The following POU3F3 variants were observed in gnomAD, a reference collection of about 807,000 sequenced individuals.
POU3F3 encodes POU class 3 homeobox 3, also known as POU domain, class 3, transcription factor 3.
POU3F3 carries 1 observed loss-of-function variant against 8.6 expected under a neutral mutation model. The observed-to-expected ratio is 0.12, with a 90% CI of 0.04 to 0.55. The LOEUF is 0.55. Ranked by LOEUF, POU3F3 falls within the 20% of genes least tolerant of loss-of-function variation. The probability of loss-of-function intolerance (pLI) is 0.91; values close to 1 mark genes in which losing one functional copy is unlikely to be tolerated. For synonymous variants in POU3F3, 418 were observed against 327.4 expected (o/e 1.28, Z -2.99); for missense variants, 577 against 690.7 (o/e 0.84, Z 1.84).
At chr2:104,918,672 G>A in the POU3F3 span, among the ~76,000 whole-genome samples, 8 of 151,774 alleles carry the variant, frequency 5.3e-5, no homozygotes, top group Admixed American at 1.3e-4. Context: ...ATTCTCTCTC[G>A]CAGTCTCTGA....
At chr2:104,926,989 G>T in the POU3F3 span, among the ~76,000 whole-genome samples, 1 of 152,106 alleles carries the variant, frequency 6.6e-6, no homozygotes, top group Admixed American at 6.5e-5. Flanking sequence ...AGCATTAGAA[G>T]AAACACCTAA....
At chr2:104,867,134 A>G in the POU3F3 span, 1 of 152,218 alleles carries the variant, frequency 6.6e-6, no homozygotes, top group Admixed American at 6.5e-5. The surrounding 1 kb of genome is among the most constrained non-coding windows in gnomAD (Gnocchi z 5.0). Flanking sequence ...CCGAGGTCAC[A>G]TTCAGAAAGC....
Position 104,854,390 on chromosome 2 carries a change from C to T in POU3F3, c.-1121C>T, listed in dbSNP as rs1034211843. On this transcript the variant is annotated 5_prime_UTR_variant, in exon 1 of 1. Coordinates refer to ENST00000361360, the MANE Select transcript of POU3F3 (RefSeq NM_006236.3). The surrounding 1 kb of genome is among the most constrained non-coding windows in gnomAD (Gnocchi z 4.5). Reference sequence around the variant, plus strand: ...GATCGATCCCCTATATGCACACACACACCTCCACCTCCACCAATGCACTCT... The same window carrying T: ...GATCGATCCCCTATATGCACACACATACCTCCACCTCCACCAATGCACTCT... Among the ~76,000 whole-genome samples, 2 of 152,204 alleles carry T rather than the reference C, an allele frequency of 1.3e-5. No individual in the cohort carries two copies. The highest frequency in any genetic ancestry group is 2.9e-5 in the Non-Finnish European group (2 of 68,048).
Position 104,856,300 on chromosome 2 carries a change from A to T in POU3F3, c.790A>T (p.Thr264Ser). The T allele has an allele frequency of 6.7e-7, 1 of 1,485,812 alleles. No individual in the cohort carries two copies. The highest frequency in any genetic ancestry group is 8.9e-7 in the Non-Finnish European group (1 of 1,126,292). The allele number at this position is 1,485,812 out of a possible 1,614,324, so 92.0% of individuals were successfully genotyped here. A position where few individuals can be genotyped will look rare whatever the true frequency, so the allele number is the denominator to read the frequency against. ...LVHPGLVRGD[T>S]PELAEHHHHH... The stretch of plus-strand genomic sequence containing the variant: ...GCACCCGGGGCTGGTGCGCGGGGAC[A>T]CGCCAGAGCTGGCCGAGCACCACCA... Residue 264 changes from threonine (T) to serine (S), a missense_variant, in exon 1 of 1, where the codon ACG (threonine) becomes TCG (serine). This residue lies in a region of POU3F3 where 484 missense variants were observed against 422.6 expected (regional missense o/e 1.15). Coordinates refer to ENST00000361360, the MANE Select transcript of POU3F3 (RefSeq NM_006236.3).
downstream of POU3F3, among the ~76,000 whole-genome samples, chr2:104,861,927 G>A (rs1458057026): frequency 1.3e-5 from 2 of 152,214 alleles, no homozygotes; most frequent in Admixed American, 6.5e-5. Context: ...AAGGAAAGCA[G>A]AAGCCTCTGC....
At chr2:104,899,868 C>A in the POU3F3 span, among the ~76,000 whole-genome samples, 713 of 152,290 alleles carry the variant, frequency 4.7e-3, 7 homozygotes, top group African/African-American at 0.016. Context: ...AGGCTCATGG[C>A]ATAAGACAGA....
At chr2:104,897,867 G>T in the POU3F3 span, among the ~76,000 whole-genome samples, 2 of 152,156 alleles carry the variant, frequency 1.3e-5, no homozygotes, top group Non-Finnish European at 2.9e-5. Flanking sequence ...GCCAAGAAAG[G>T]CTTTCTTTCT....
chr2:104,896,600 G>T, the POU3F3 span, among the ~76,000 whole-genome samples: 1 of 151,372 alleles, frequency 6.6e-6, no homozygotes, highest in Non-Finnish European at 1.5e-5. Context: ...GGCATCCTCA[G>T]GAAAGGCTGA....
Position 104,855,818 on chromosome 2 carries a change from ACGCCGCCGCCGCCGCCGCCGCTGC to A in POU3F3, c.323_346del (p.Ala108_Ala115del), listed in dbSNP as rs757790462. 5.3e-6 allele frequency: 6 copies of A among 1,123,390 alleles called. No individual in the cohort carries two copies. The highest frequency in any genetic ancestry group is 4.6e-5 in the South Asian group (2 of 43,260). The allele number at this position is 1,123,390 out of a possible 1,614,324, so 69.6% of individuals were successfully genotyped here. A position where few individuals can be genotyped will look rare whatever the true frequency, so the allele number is the denominator to read the frequency against. The stretch of plus-strand genomic sequence containing the variant: ...CACCAGTGGGTCACAGCCCTGCCCC[ACGCCGCCGCCGCCGCCGCCGCTGC>A]CGCCGCCGCCGCCGTGGAGGCGAGC... On this transcript the variant is annotated inframe_deletion, in exon 1 of 1. Transcript: ENST00000361360.
chr2:104,880,255 A>G, the POU3F3 span, among the ~76,000 whole-genome samples: 1 of 152,168 alleles, frequency 6.6e-6, no homozygotes, highest in African/African-American at 2.4e-5. Flanking sequence ...GGATGGAAAG[A>G]TTCCTCGTGC....
the POU3F3 span, among the ~76,000 whole-genome samples, chr2:104,881,367 A>G: frequency 5.3e-5 from 8 of 152,080 alleles, no homozygotes; most frequent in African/African-American, 1.9e-4. Context: ...GGTATCACTG[A>G]GTTGCCTGGG....
the POU3F3 span, among the ~76,000 whole-genome samples, chr2:104,884,297 C>T: frequency 6.6e-6 from 1 of 152,268 alleles, no homozygotes; most frequent in East Asian, 1.9e-4. Context: ...ATGCACCCAG[C>T]AGCAGAGGAT....
chr2:104,908,379 T>A, the POU3F3 span, among the ~76,000 whole-genome samples: 2 of 152,192 alleles, frequency 1.3e-5, no homozygotes, highest in East Asian at 1.9e-4. Flanking sequence ...GTTTATAACA[T>A]GGTAAAACAG....
the POU3F3 span, among the ~76,000 whole-genome samples, chr2:104,890,314 C>T: frequency 1.3e-5 from 2 of 152,034 alleles, no homozygotes; most frequent in African/African-American, 2.4e-5. Context: ...TTTCCTTTTT[C>T]CTTTTTGCCC....
chr2:104,857,185 C>A lies in POU3F3; in HGVS notation c.*172C>A. The A allele has an allele frequency of 1.4e-6, 1 of 708,584 alleles. No homozygotes were observed. Among genetic ancestry groups the A allele is most frequent in the Non-Finnish European group, 1.7e-6 (1 of 576,614 alleles). The allele number at this position is 708,584 out of a possible 1,614,324, so 43.9% of individuals were successfully genotyped here. ...CAGCCCAGGCCCATCCGCCGCCCTCCCCTCCACCCAGAGACAGGCATGCCC... is the reference window on the plus strand; with the variant it reads ...CAGCCCAGGCCCATCCGCCGCCCTCACCTCCACCCAGAGACAGGCATGCCC... On this transcript the variant is annotated 3_prime_UTR_variant, in exon 1 of 1. Transcript: ENST00000361360.
chr2:104,919,073 G>A, the POU3F3 span, among the ~76,000 whole-genome samples: 1 of 152,186 alleles, frequency 6.6e-6, no homozygotes, highest in Admixed American at 6.5e-5. Context: ...GTTTCTCTAT[G>A]TTGGTCAGGC....
chr2:104,868,245 G>A, the POU3F3 span: 1 of 456,518 alleles, frequency 2.2e-6, no homozygotes, highest in Non-Finnish European at 4.4e-6. Context: ...GCGGTCTCAG[G>A]AGTGGGGCTC....
chr2:104,921,327 GC>G, the POU3F3 span, among the ~76,000 whole-genome samples: 1 of 152,170 alleles, frequency 6.6e-6, no homozygotes, highest in Admixed American at 6.5e-5. Flanking sequence ...AGAGTAGGAA[GC>G]CCCAGGAATC....
rs1366446858 is a variant in POU3F3, at chr2:104,855,828, CGCCGCCGCCGCT to C, written c.330_341del (p.Ala112_Ala115del). On this transcript the variant is annotated inframe_deletion, in exon 1 of 1. Coordinates refer to ENST00000361360, the MANE Select transcript of POU3F3 (RefSeq NM_006236.3). The stretch of plus-strand genomic sequence containing the variant: ...TCACAGCCCTGCCCCACGCCGCCGC[CGCCGCCGCCGCT>C]GCCGCCGCCGCCGCCGTGGAGGCGA... 6 of 1,133,958 alleles carry C rather than the reference CGCCGCCGCCGCT, an allele frequency of 5.3e-6. No individual in the cohort carries two copies. The highest frequency in any genetic ancestry group is 2.5e-5 in the South Asian group (1 of 40,018). 70.2% of individuals were successfully genotyped at this position (1,133,958 alleles called of 1,614,324 possible). A position where few individuals can be genotyped will look rare whatever the true frequency, so the allele number is the denominator to read the frequency against.
Sources: gnomAD v4.1 joint callset for allele counts (sites outside exome capture counted in the v4.1 genomes callset) on GRCh38, gnomAD v4.1.1 for gene constraint, gnomAD v4.1.1 regional missense constraint, Gnocchi (gnomAD v3.1) non-coding constraint, MANE v1.5 for transcripts, NCBI Gene and HGNC (gene_info 2026-07-23, HGNC 2026-07-21) for gene names.